Variants in OVCH1 observed in about 807,000 individuals in gnomAD.
OVCH1 encodes ovochymase-1.
Under a neutral mutation model 138.4 loss-of-function variants are expected in OVCH1, and 139 were observed. The observed-to-expected ratio is 1.00, with a 90% CI of 0.87 to 1.16. The LOEUF (loss-of-function observed/expected upper bound fraction) is 1.16, where lower values mean the gene tolerates loss of function less well. OVCH1 is among the 50% of genes most tolerant of loss of function. The probability of loss-of-function intolerance (pLI) is 0.00; values close to 1 mark genes in which losing one functional copy is unlikely to be tolerated. For missense variants in OVCH1, 1,367 were observed against 1,357.9 expected (o/e 1.01, Z -0.11); for synonymous variants, 453 against 467.8 (o/e 0.97, Z 0.41).
At chr12:29,455,021 A>G in intron 20 of OVCH1, 88 bp from the exon 21 acceptor site, 1 of 1,263,068 alleles carries the variant, frequency 7.9e-7, no homozygotes, top group Non-Finnish European at 1.1e-6. Flanking sequence ...ATCAAAAGAA[A>G]CAAAAAAGAA....
At chr12:29,475,469 G>A (rs961866360) in intron 13 of OVCH1, among the ~76,000 whole-genome samples, 2 of 146,092 alleles carry the variant, frequency 1.4e-5, no homozygotes, top group Admixed American at 6.7e-5. Flanking sequence ...AGAAGAGGTA[G>A]GTTTAAAAAA....
At chr12:29,443,465 A>G (rs753183424) in exon 25 of OVCH1, 1 of 1,609,352 alleles carries the variant, frequency 6.2e-7, no homozygotes, top group Non-Finnish European at 8.5e-7. Flanking sequence ...AAGCTGAATG[A>G]TGTGATTTAA....
intron 19 of OVCH1, among the ~76,000 whole-genome samples, chr12:29,456,314 C>A (rs1941950058): frequency 6.6e-6 from 1 of 152,086 alleles, no homozygotes; most frequent in Non-Finnish European, 1.5e-5. Flanking sequence ...TAGTATCTGG[C>A]TTACATAATT....
chr12:29,431,378 C>T lies in OVCH1; in HGVS notation c.3327+2373G>A, dbSNP rs564787197. ...ACTTGAGCCTGGGAGGTTGAAGCTGCGGTGAACCATGATCACACCACTGCA... is the reference window on the plus strand; with the variant it reads ...ACTTGAGCCTGGGAGGTTGAAGCTGTGGTGAACCATGATCACACCACTGCA... On this transcript the variant is annotated intron_variant, in intron 27 of 27. Coordinates refer to ENST00000318184, the Ensembl canonical transcript of OVCH1. Among the ~76,000 whole-genome samples, 39 of 152,086 alleles carry T rather than the reference C, an allele frequency of 2.6e-4. No homozygotes were observed. The South Asian group carries it at 4.1e-3, about 16-fold the overall frequency.
intron 26 of OVCH1, chr12:29,439,311 C>G: frequency 6.7e-7 from 1 of 1,486,440 alleles, no homozygotes; most frequent in Non-Finnish European, 8.9e-7. Context: ...TTCTAATCAC[C>G]TCTTTGAGTT....
At chr12:29,455,092 TTA>T (rs1359553321) in intron 20 of OVCH1, among the ~76,000 whole-genome samples, 155 bp downstream of exon 20, 1 of 152,206 alleles carries the variant, frequency 6.6e-6, no homozygotes, top group African/African-American at 2.4e-5. Flanking sequence ...ATGGGAGAAC[TTA>T]TTTTGCAGAA....
intron 13 of OVCH1, 42 bp from the exon 14 acceptor site, chr12:29,475,231 T>A (rs938561884): frequency 3.7e-5 from 50 of 1,351,540 alleles, no homozygotes; most frequent in Middle Eastern, 2.7e-4. Flanking sequence ...GTTATATTTT[T>A]AAAAAATCAG....
the OVCH1 span, among the ~76,000 whole-genome samples, chr12:29,404,798 G>A: frequency 9.9e-5 from 15 of 152,032 alleles, no homozygotes; most frequent in Admixed American, 5.2e-4. Flanking sequence ...TGAGGCAGGC[G>A]AACCACGAGG....
chr12:29,450,753 C>T (rs1178839491), intron 22 of OVCH1, among the ~76,000 whole-genome samples: 1 of 152,136 alleles, frequency 6.6e-6, no homozygotes, highest in African/African-American at 2.4e-5. Context: ...ATAGCAAACA[C>T]TTGGAATCAA....
At chr12:29,426,165 A>G (rs1941176580), downstream of OVCH1, 1 of 152,150 alleles carries the variant, frequency 6.6e-6, no homozygotes, top group Non-Finnish European at 1.5e-5. Flanking sequence ...CACTTTCTAA[A>G]TCACCACCTC....
chr12:29,485,969 A>AAAATAAAT lies in OVCH1; in HGVS notation c.995+269_995+276dup, dbSNP rs60243865. On this transcript the variant is annotated intron_variant, in intron 8 of 27. Coordinates refer to ENST00000318184, the Ensembl canonical transcript of OVCH1. ...CAAAATAAATAAAATAAAATAAAAT[A>AAAATAAAT]AAATAAATAAATAAATAAATAAATA... is the stretch of plus-strand genomic sequence containing the variant. Among the ~76,000 whole-genome samples, 855 of 136,330 alleles carry AAAATAAAT rather than the reference A, an allele frequency of 6.3e-3. 6 individuals carry two copies. The highest frequency in any genetic ancestry group is 7.1e-3 in the Non-Finnish European group (455 of 64,330). The allele number at this position is 136,330 out of a possible 152,430, so 89.4% of individuals were successfully genotyped here.
intron 25 of OVCH1, among the ~76,000 whole-genome samples, chr12:29,442,647 AAAAG>A (rs1941517920): frequency 6.6e-6 from 1 of 150,984 alleles, no homozygotes; most frequent in African/African-American, 2.4e-5. Context: ...AAAAATAAAA[AAAAG>A]AAATTTTATG....
chr12:29,444,336 C>T, intron 23 of OVCH1, 56 bp from the exon 24 acceptor site: 1 of 1,526,052 alleles, frequency 6.6e-7, no homozygotes, highest in African/African-American at 1.4e-5. Context: ...AACAGGCTTC[C>T]TATATGCCTT....
chr12:29,476,790 C>CGT (rs1942745202), intron 12 of OVCH1, among the ~76,000 whole-genome samples: 1 of 138,684 alleles, frequency 7.2e-6, no homozygotes, highest in Non-Finnish European at 1.6e-5. Flanking sequence ...CACACACACA[C>CGT]ACACACACAC....
intron 27 of OVCH1, among the ~76,000 whole-genome samples, chr12:29,430,152 G>A (rs1941244552): frequency 6.6e-6 from 1 of 152,216 alleles, no homozygotes; most frequent in African/African-American, 2.4e-5. Flanking sequence ...TGATATTCAA[G>A]AGATGTGACC....
chr12:29,462,031 G>T (rs766596667), intron 18 of OVCH1, 23 bp from the exon 19 acceptor site: 1 of 1,604,614 alleles, frequency 6.2e-7, no homozygotes, highest in South Asian at 1.1e-5. Flanking sequence ...CATTCAGAGA[G>T]AGCTCGATGA....
At chr12:29,479,796 G>A (rs1412691596) in intron 8 of OVCH1, among the ~76,000 whole-genome samples, 2 of 149,420 alleles carry the variant, frequency 1.3e-5, no homozygotes, top group Admixed American at 6.7e-5. Context: ...TTTTTAACCG[G>A]ACATCTTAAT....
intron 16 of OVCH1, among the ~76,000 whole-genome samples, chr12:29,469,704 A>T (rs1248261147): frequency 7.5e-6 from 1 of 134,124 alleles, no homozygotes; most frequent in Non-Finnish European, 1.6e-5. Flanking sequence ...ACATAGCAAG[A>T]CCCCGTGTCT....
intron 16 of OVCH1, among the ~76,000 whole-genome samples, chr12:29,467,669 G>A (rs187177848): frequency 1.3e-5 from 2 of 152,214 alleles, no homozygotes; most frequent in South Asian, 4.1e-4. Flanking sequence ...ATATATAATT[G>A]CAAAGTGAGC....
Sources: gnomAD v4.1 joint callset for allele counts (sites outside exome capture counted in the v4.1 genomes callset) on GRCh38, gnomAD v4.1.1 for gene constraint, MANE v1.5 for transcripts, NCBI Gene and HGNC (gene_info 2026-07-23, HGNC 2026-07-21) for gene names.